Variants in MUC12 observed in about 807,000 individuals in gnomAD.
MUC12 encodes mucin-12.
In MUC12, 172 loss-of-function variants were observed where a neutral mutation model predicts 230.8. That is an observed-to-expected ratio of 0.75 (90% confidence interval 0.66 to 0.85). The LOEUF is 0.85. Among genes scored for constraint, MUC12 ranks in the 40% least tolerant of loss-of-function variants. The pLI, the probability that MUC12 is intolerant of heterozygous loss-of-function variation, is 0.00. For missense variants in MUC12, 3,506 were observed against 5,920.6 expected (o/e 0.59, Z 13.38); for synonymous variants, 1,259 against 2,401.9 (o/e 0.52, Z 13.91).
chr7:100,976,567 G>A (rs538173436), intron 1 of MUC12, among the ~76,000 whole-genome samples: 96 of 151,642 alleles, frequency 6.3e-4, no homozygotes, highest in African/African-American at 2.3e-3. Context: ...TAGTGCCACT[G>A]CACTCCAGCC....
Position 100,991,295 on chromosome 7 carries a change from C to A in MUC12, c.732C>A (p.Gly244=), listed in dbSNP as rs1351612956. The change falls in exon 2 of 12, where the codon GGC becomes GGA. Residue 244 remains glycine (G), a synonymous_variant. Transcript: ENST00000536621. ...TRLPDNTTTS[G]LLEASTPVHS... is the part of the protein sequence containing the mutation. ...TACCTGACAACACCACAACCTCAGGCCTCCTTGAAGCATCTACGCCCGTCC... is the reference window on the plus strand; with the variant it reads ...TACCTGACAACACCACAACCTCAGGACTCCTTGAAGCATCTACGCCCGTCC... The A allele has an allele frequency of 1.0e-5, 16 of 1,537,724 alleles. No individual in the cohort carries two copies. Among genetic ancestry groups the A allele is most frequent in the Non-Finnish European group, 1.4e-5 (16 of 1,147,022 alleles).
Position 101,005,048 on chromosome 7 carries a change from C to G in MUC12, c.14485C>G (p.Pro4829Ala), listed in dbSNP as rs199818572. 6.5e-7 allele frequency: 1 copy of G among 1,537,786 alleles called. No homozygotes were observed. Among genetic ancestry groups the G allele is most frequent in the Non-Finnish European group, 8.7e-7 (1 of 1,147,048 alleles). Reference sequence around the variant, plus strand: ...AGAATTTACCACCCCTCATAGCCAACCAGGCTCAGCTCTGTCAACAGTGTC... The same window carrying G: ...AGAATTTACCACCCCTCATAGCCAAGCAGGCTCAGCTCTGTCAACAGTGTC... ...AQEFTTPHSQ[P>A]GSALSTVSPA... Residue 4829 changes from proline (P) to alanine (A), a missense_variant, in exon 2 of 12, where the codon CCA (proline) becomes GCA (alanine). Coordinates refer to ENST00000536621, the MANE Select transcript of MUC12 (RefSeq NM_001164462.2).
chr7:101,008,516 C>T lies in MUC12; in HGVS notation c.15059-118C>T, dbSNP rs1319165093. The T allele has an allele frequency of 1.3e-5, 18 of 1,361,028 alleles. No individual in the cohort carries two copies. In the African/African-American group the frequency reaches 1.6e-4, roughly 12 times the overall value. 84.3% of individuals were successfully genotyped at this position (1,361,028 alleles called of 1,614,324 possible). A position where few individuals can be genotyped will look rare whatever the true frequency, so the allele number is the denominator to read the frequency against. On this transcript the variant is annotated intron_variant, in intron 3 of 11. Coordinates refer to ENST00000536621, the MANE Select transcript of MUC12 (RefSeq NM_001164462.2). ...TTTTGGGAGACAGGGAACAGTGACC[C>T]CACCTTCCTCTTAAGTTTCTTTCAC... is the stretch of plus-strand genomic sequence containing the variant.
In MUC12 at chr7:100,991,671, A is replaced by C; in HGVS notation, c.1108A>C (p.Thr370Pro). 2.0e-6 allele frequency: 3 copies of C among 1,537,616 alleles called. No homozygotes were observed. Among genetic ancestry groups the C allele is most frequent in the Non-Finnish European group, 2.6e-6 (3 of 1,146,776 alleles). The change falls in exon 2 of 12, where the codon ACA (threonine) becomes CCA (proline). Residue 370 changes from threonine (T) to proline (P), a missense_variant. Coordinates refer to ENST00000536621, the MANE Select transcript of MUC12 (RefSeq NM_001164462.2). ...AYHRSPGSTQ[T>P]MHFPESSTTS... ...CCACAGGAGCCCGGGCTCAACTCAA[A>C]CAATGCACTTCCCTGAAAGCTCCAC...
chr7:101,013,968 G>A lies in MUC12; in HGVS notation c.15694G>A (p.Ala5232Thr), dbSNP rs376789212. ...YWGETCEFNI[A>T]KSLVYGIVGA... ...GGGAGAGACCTGTGAATTCAACATC[G>A]CCAAGAGCCTCGTGTATGGGATCGT... Residue 5232 changes from alanine to threonine, a missense_variant, in exon 9 of 12, where the codon GCC becomes ACC. Physicochemically the swap from Ala to Thr is moderately conservative, Grantham distance 58. Coordinates refer to ENST00000536621, the MANE Select transcript of MUC12 (RefSeq NM_001164462.2). 8.7e-5 allele frequency: 134 copies of A among 1,536,506 alleles called. No homozygotes were observed. The African/African-American group carries it at 1.5e-3, about 17-fold the overall frequency.
rs1791 is a variant in MUC12, at chr7:100,991,359, T to G, written c.796T>G (p.Ser266Ala). The change falls in exon 2 of 12, where the codon TCC becomes GCC. Residue 266 changes from serine to alanine, a missense_variant. Ser to Ala is a moderately conservative substitution (Grantham distance 99). Coordinates refer to ENST00000536621, the MANE Select transcript of MUC12 (RefSeq NM_001164462.2). ...ATCGCCACACACAACACTGTCCCCT[T>G]CCAGCTCTACAACCCATGAGGGAGA... ...TGSPHTTLSPSSSTTHEGEPT... is the reference protein window; with the variant it reads ...TGSPHTTLSPASSTTHEGEPT... 1,133,744 of 1,537,494 alleles carry G rather than the reference T, an allele frequency of 0.74. 419,105 individuals are homozygous for G. Among genetic ancestry groups the G allele is most frequent in the East Asian group, 0.82 (33,725 of 40,894 alleles).
At chr7:100,982,658 G>C (rs926035680) in intron 1 of MUC12, among the ~76,000 whole-genome samples, 1 of 151,652 alleles carries the variant, frequency 6.6e-6, no homozygotes, top group Non-Finnish European at 1.5e-5. Flanking sequence ...CAAACTCCTG[G>C]GTTCAAGTAG....
chr7:100,969,823 C>A, intron 1 of MUC12, 134 bp downstream of exon 1: 1 of 1,326,100 alleles, frequency 7.5e-7, no homozygotes, highest in Non-Finnish European at 1.0e-6. Flanking sequence ...GGGCTGGAGA[C>A]CCGTGCTGTG....
intron 1 of MUC12, among the ~76,000 whole-genome samples, chr7:100,988,289 G>GAAAAAAAAA (rs1167163725): frequency 1.3e-5 from 1 of 78,722 alleles, no homozygotes; most frequent in Non-Finnish European, 2.6e-5. Context: ...GGCTGTCCCA[G>GAAAAAAAAA]AAAAAAAAAA....
chr7:100,981,948 C>T (rs1442097948), intron 1 of MUC12, among the ~76,000 whole-genome samples: 1 of 148,044 alleles, frequency 6.8e-6, no homozygotes, highest in Admixed American at 6.9e-5. Context: ...CTCACTGCAA[C>T]CTATGCCTCC....
intron 1 of MUC12, chr7:100,972,971 G>A (rs1792939104): frequency 1.4e-6 from 1 of 702,986 alleles, no homozygotes; most frequent in African/African-American, 1.7e-5. Flanking sequence ...CTACGGTGCA[G>A]GAATGCCCTG....
chr7:100,992,022 C>T lies in MUC12; in HGVS notation c.1459C>T (p.Pro487Ser), dbSNP rs1355670049. Residue 487 changes from proline (P) to serine (S), a missense_variant, in exon 2 of 12, where the codon CCA (proline) becomes TCA (serine). Pro to Ser is a moderately conservative substitution (Grantham distance 74, BLOSUM62 -1). Coordinates refer to ENST00000536621, the MANE Select transcript of MUC12 (RefSeq NM_001164462.2). ...AGCGTTACCCGGCAGTACCACAAAA[C>T]CAGGCCTCAGTGAGAAATCTACCAC... is the stretch of plus-strand genomic sequence containing the variant. Reference protein sequence around the residue: ...TTALPGSTTKPGLSEKSTTFY... With the variant: ...TTALPGSTTKSGLSEKSTTFY... The T allele has an allele frequency of 5.2e-6, 8 of 1,537,844 alleles. No homozygotes were observed. The highest frequency in any genetic ancestry group is 6.1e-6 in the Non-Finnish European group (7 of 1,147,078).
chr7:100,991,849 C>T lies in MUC12; in HGVS notation c.1286C>T (p.Thr429Ile). Residue 429 changes from threonine to isoleucine, a missense_variant, in exon 2 of 12, where the codon ACA (threonine) becomes ATA (isoleucine). Physicochemically the swap from Thr to Ile is moderately conservative, Grantham distance 89. Coordinates refer to ENST00000536621, the MANE Select transcript of MUC12 (RefSeq NM_001164462.2). ...TETTHFRDSS[T>I]ISGRSEESKA... ...ACAACACACTTCCGTGATAGCTCCA[C>T]AATCTCAGGCCGTAGTGAGGAATCA... 6.5e-7 allele frequency: 1 copy of T among 1,537,718 alleles called. No homozygotes were observed. Among genetic ancestry groups the T allele is most frequent in the Non-Finnish European group, 8.7e-7 (1 of 1,146,842 alleles).
chr7:100,970,108 G>C (rs921728706), intron 1 of MUC12, among the ~76,000 whole-genome samples: 1 of 152,296 alleles, frequency 6.6e-6, no homozygotes, highest in Non-Finnish European at 1.5e-5. Context: ...CTGGTCGGGA[G>C]AGAGGGAGTC....
At chr7:100,986,488 T>A (rs1180559173) in intron 1 of MUC12, among the ~76,000 whole-genome samples, 3 of 151,904 alleles carry the variant, frequency 2.0e-5, no homozygotes, top group African/African-American at 7.3e-5. Context: ...ATCTTTTCCA[T>A]CTTTTTCATG....
chr7:101,012,060 C>A (rs140055264), intron 5 of MUC12, among the ~76,000 whole-genome samples: 129 of 152,240 alleles, frequency 8.5e-4, no homozygotes, highest in African/African-American at 3.1e-3. Flanking sequence ...CACTATTTTG[C>A]GAGAGATGAA....
chr7:101,012,781 G>A (rs1184033486), intron 6 of MUC12, 38 bp from the exon 7 acceptor site: 3 of 1,530,516 alleles, frequency 2.0e-6, no homozygotes, highest in Non-Finnish European at 2.6e-6. Flanking sequence ...AGAGGGAAGT[G>A]TTTCTATTCC....
At position 101,008,665 on chromosome 7, in the gene MUC12, T is replaced by C; in HGVS notation, c.15090T>C (p.Gly5030=). 6.5e-7 allele frequency: 1 copy of C among 1,537,298 alleles called. No individual in the cohort carries two copies. Among genetic ancestry groups the C allele is most frequent in the South Asian group, 1.2e-5 (1 of 84,058 alleles). ...ETPEKLNATL[G]MTVKVTYRNF... ...CGGAAAAACTCAACGCCACTTTAGG[T>C]ATGACAGTGAAAGTGACTTACAGAA... Residue 5030 remains glycine (G), a synonymous_variant, in exon 4 of 12, where the codon GGT becomes GGC. Coordinates refer to ENST00000536621, the MANE Select transcript of MUC12 (RefSeq NM_001164462.2).
At chr7:100,976,344 G>A (rs1793030598) in intron 1 of MUC12, among the ~76,000 whole-genome samples, 1 of 152,056 alleles carries the variant, frequency 6.6e-6, no homozygotes, top group Admixed American at 6.5e-5. Context: ...GGTGGCTCAT[G>A]CCTGTAATCC....
Sources: allele counts gnomAD v4.1 joint callset (sites outside exome capture counted in the v4.1 genomes callset), GRCh38; gene constraint gnomAD v4.1.1; transcripts MANE v1.5; gene names NCBI Gene and HGNC (gene_info 2026-07-23, HGNC 2026-07-21).